CSMD1: variants seen among roughly 807,000 people sequenced by gnomAD.
The protein encoded by CSMD1 is CUB and sushi domain-containing protein 1.
In CSMD1, 213 loss-of-function variants were observed where a neutral mutation model predicts 417.5. The observed-to-expected ratio is 0.51, with a 90% CI of 0.46 to 0.57. CSMD1 has a LOEUF of 0.57. Among genes scored for constraint, CSMD1 ranks in the 20% least tolerant of loss-of-function variants. The pLI is 0.00. For missense variants in CSMD1, 6,923 were observed against 4,529.7 expected, an observed-to-expected ratio of 1.53 and a Z score of -15.17; for synonymous variants, 2,862 against 1,736.8, an observed-to-expected ratio of 1.65 and a Z score of -16.11.
intron 1 of CSMD1, among the ~76,000 whole-genome samples, chr8:4,718,583 G>A (rs115765620): frequency 0.014 from 2,167 of 152,026 alleles, 46 homozygotes; most frequent in African/African-American, 0.049. Flanking sequence ...AACATGAAAA[G>A]GAGGAGATAA....
intron 7 of CSMD1, among the ~76,000 whole-genome samples, chr8:3,645,702 C>T (rs1797539852): frequency 6.6e-6 from 1 of 152,172 alleles, no homozygotes; most frequent in African/African-American, 2.4e-5. Flanking sequence ...AAGAACTTTA[C>T]TTGGCTCTGC....
In CSMD1 at chr8:3,528,068, C is replaced by T. The variant is rs528145100; in HGVS notation, c.1345-34342G>A. Among the ~76,000 whole-genome samples, 25 of 152,232 alleles carry T rather than the reference C, an allele frequency of 1.6e-4. No homozygotes were observed. In the South Asian group the frequency reaches 4.8e-3, roughly 29 times the overall value. ...CCCTGGGTGGCAAAATCCAAACCAC[C>T]CCCATATAAGAACCACTGATACAGG... On this transcript the variant is annotated intron_variant, in intron 10 of 69. Transcript: ENST00000635120.
chr8:4,752,416 G>C (rs552732717), intron 1 of CSMD1, among the ~76,000 whole-genome samples: 2 of 152,274 alleles, frequency 1.3e-5, no homozygotes, highest in South Asian at 2.1e-4. Flanking sequence ...GGTATGGACT[G>C]AACTTGTGAC....
rs1427390129 is a variant in CSMD1, at chr8:2,952,159, CTT to C, written c.10040-886_10040-885del. 2.0e-5 allele frequency among the ~76,000 whole-genome samples: 3 copies of C among 152,154 alleles called. No individual in the cohort carries two copies. The East Asian group carries it at 5.8e-4, about 29-fold the overall frequency. Reference sequence around the variant, plus strand: ...TTCACATGATGATTTCAGCATTACTCTTTGTTTTCTGCCTTCTGATGTGCATG... The same window carrying C: ...TTCACATGATGATTTCAGCATTACTCTGTTTTCTGCCTTCTGATGTGCATG... On this transcript the variant is annotated intron_variant, in intron 65 of 69. Transcript: ENST00000635120.
At chr8:4,576,785 G>T (rs1300072037) in intron 2 of CSMD1, among the ~76,000 whole-genome samples, 1 of 151,788 alleles carries the variant, frequency 6.6e-6, no homozygotes, top group Non-Finnish European at 1.5e-5. Flanking sequence ...GTGATATTAA[G>T]ATATTTACCA....
At chr8:3,586,973 T>C (rs1800630015) in intron 8 of CSMD1, among the ~76,000 whole-genome samples, 1 of 152,160 alleles carries the variant, frequency 6.6e-6, no homozygotes, top group Non-Finnish European at 1.5e-5. Flanking sequence ...CTAATTTTTG[T>C]ATTTTTAGTA....
At chr8:4,397,176 C>G (rs1386932499) in intron 3 of CSMD1, among the ~76,000 whole-genome samples, 1 of 152,060 alleles carries the variant, frequency 6.6e-6, no homozygotes, top group Non-Finnish European at 1.5e-5. Flanking sequence ...GCATGATGAT[C>G]AACATGTATG....
rs564975419 is a variant in CSMD1, at chr8:4,058,101, T to C, written c.416-26002A>G. 8.4e-4 allele frequency among the ~76,000 whole-genome samples: 128 copies of C among 152,278 alleles called. 1 individual carries two copies. Among genetic ancestry groups the C allele is most frequent in the African/African-American group, 2.6e-3 (107 of 41,560 alleles). Reference sequence around the variant, plus strand: ...CATTGGTAGCTTGATGGGGATGGCATTGAATCTATAAATTACCTTGGGCAG... The same window carrying C: ...CATTGGTAGCTTGATGGGGATGGCACTGAATCTATAAATTACCTTGGGCAG... On this transcript the variant is annotated intron_variant, in intron 3 of 69. Coordinates refer to ENST00000635120, the MANE Select transcript of CSMD1 (RefSeq NM_033225.6).
intron 7 of CSMD1, among the ~76,000 whole-genome samples, chr8:3,689,311 C>G (rs928409302): frequency 6.6e-6 from 1 of 152,170 alleles, no homozygotes; most frequent in Non-Finnish European, 1.5e-5. Context: ...ACTAAGCCAT[C>G]TCCAGATGAT....
At chr8:3,489,914 T>A (rs1459397685) in intron 11 of CSMD1, among the ~76,000 whole-genome samples, 1 of 152,200 alleles carries the variant, frequency 6.6e-6, no homozygotes, top group Non-Finnish European at 1.5e-5. Flanking sequence ...AACTGCTGCT[T>A]TATGTAAAAT....
At chr8:4,112,545 G>A (rs181292212) in intron 3 of CSMD1, among the ~76,000 whole-genome samples, 5 of 152,256 alleles carry the variant, frequency 3.3e-5, no homozygotes, top group African/African-American at 4.8e-5. Flanking sequence ...GACACAGCAC[G>A]TCCTGCTTTC....
At chr8:4,069,749 T>C (rs906647656) in intron 3 of CSMD1, among the ~76,000 whole-genome samples, 1 of 152,320 alleles carries the variant, frequency 6.6e-6, no homozygotes, top group African/African-American at 2.4e-5. Context: ...AGGAATGCTG[T>C]CTACTTCACC....
intron 5 of CSMD1, among the ~76,000 whole-genome samples, chr8:3,817,844 G>A (rs746254960): frequency 1.3e-5 from 2 of 152,086 alleles, no homozygotes; most frequent in Admixed American, 6.5e-5. Context: ...AGCTTTCCCA[G>A]AGTCCAGAGC....
intron 1 of CSMD1, among the ~76,000 whole-genome samples, chr8:4,688,317 G>A (rs1470747355): frequency 6.6e-6 from 1 of 152,078 alleles, no homozygotes; most frequent in African/African-American, 2.4e-5. Context: ...CATGGGCTTG[G>A]GATGCAGGTC....
intron 1 of CSMD1, among the ~76,000 whole-genome samples, chr8:4,890,999 C>G (rs1416381995): frequency 6.6e-6 from 1 of 152,070 alleles, no homozygotes; most frequent in Non-Finnish European, 1.5e-5. Context: ...TGTTTTCAAT[C>G]AAGACCTCTC....
intron 3 of CSMD1, among the ~76,000 whole-genome samples, chr8:4,134,021 A>AT (rs1407119139): frequency 6.6e-6 from 1 of 152,202 alleles, no homozygotes; most frequent in Non-Finnish European, 1.5e-5. Flanking sequence ...TTCAGTATAC[A>AT]TTTTTTTAAA....
intron 7 of CSMD1, among the ~76,000 whole-genome samples, chr8:3,664,869 G>C (rs1253954081): frequency 6.6e-6 from 1 of 152,108 alleles, no homozygotes; most frequent in African/African-American, 2.4e-5. Context: ...AAACAATTCA[G>C]ACAGAATTTC....
At chr8:3,669,835 G>A (rs554081392) in intron 7 of CSMD1, among the ~76,000 whole-genome samples, 1 of 152,216 alleles carries the variant, frequency 6.6e-6, no homozygotes, top group East Asian at 1.9e-4. Context: ...AGGACACAGT[G>A]GGTGATGTCA....
rs145338654 is a variant in CSMD1 at position 3,228,334 on chromosome 8, C to T, written c.4345+1706G>A. On this transcript the variant is annotated intron_variant, in intron 27 of 69. Coordinates refer to ENST00000635120, the MANE Select transcript of CSMD1 (RefSeq NM_033225.6). ...CATGCCCTAATGGGCAAGCTTCTTA[C>T]AGAGGACATAAACCTCATTCCTAAA... Among the ~76,000 whole-genome samples the T allele has an allele frequency of 3.3e-4, 51 of 152,324 alleles. No homozygotes were observed. The East Asian group carries it at 6.7e-3, about 20-fold the overall frequency.
Sources: allele counts gnomAD v4.1 joint callset (sites outside exome capture counted in the v4.1 genomes callset), GRCh38; gene constraint gnomAD v4.1.1; transcripts MANE v1.5; gene names NCBI Gene and HGNC (gene_info 2026-07-23, HGNC 2026-07-21).